The following CDIN1 variants were observed in gnomAD, a reference collection of about 807,000 sequenced individuals.
The protein encoded by CDIN1 is CDAN1 interacting nuclease 1.
Under a neutral mutation model 45.3 loss-of-function variants are expected in CDIN1, and 33 were observed. That is an observed-to-expected ratio of 0.73 (90% confidence interval 0.55 to 0.97). CDIN1 has a LOEUF of 0.97. Among genes scored for constraint, CDIN1 ranks in the 50% least tolerant of loss-of-function variants. CDIN1 has a pLI of 0.00. For missense variants in CDIN1, 303 were observed against 339.4 expected, an observed-to-expected ratio of 0.89 and a Z score of 0.84; for synonymous variants, 118 against 124.4, an observed-to-expected ratio of 0.95 and a Z score of 0.34.
intron 10 of CDIN1, among the ~76,000 whole-genome samples, chr15:36,796,158 T>C (rs2054790258): frequency 6.6e-6 from 1 of 152,176 alleles, no homozygotes; most frequent in Non-Finnish European, 1.5e-5. Context: ...GGTGGGGATT[T>C]AGTGGAGAAG....
chr15:36,701,114 A>ATAGGTAGG (rs56409880), intron 8 of CDIN1, among the ~76,000 whole-genome samples: 58 of 117,984 alleles, frequency 4.9e-4, no homozygotes, highest in African/African-American at 1.9e-3. Flanking sequence ...AGATAGATAG[A>ATAGGTAGG]TAGGTAGGTA....
At chr15:36,603,798 G>C (rs1453448059) in intron 1 of CDIN1, among the ~76,000 whole-genome samples, 1 of 152,158 alleles carries the variant, frequency 6.6e-6, no homozygotes, top group Non-Finnish European at 1.5e-5. Flanking sequence ...TGAAAAAAGA[G>C]TTATTGTCCA....
At chr15:36,754,163 A>G (rs1347096195) in intron 10 of CDIN1, among the ~76,000 whole-genome samples, 2 of 152,160 alleles carry the variant, frequency 1.3e-5, no homozygotes, top group African/African-American at 4.8e-5. Context: ...CTCTAAGTAT[A>G]TTCTGGCAGA....
intron 10 of CDIN1, among the ~76,000 whole-genome samples, chr15:36,765,049 TTTTC>T (rs1044210838): frequency 1.9e-5 from 2 of 102,914 alleles, no homozygotes; most frequent in African/African-American, 3.3e-5. Context: ...TTTCTTTTAT[TTTTC>T]TTTCTTTCTT....
intron 10 of CDIN1, among the ~76,000 whole-genome samples, chr15:36,754,371 G>A (rs899447628): frequency 3.9e-5 from 6 of 152,136 alleles, no homozygotes; most frequent in African/African-American, 1.4e-4. Flanking sequence ...GACCTAAACT[G>A]TAGATGAGAA....
At chr15:36,659,966 C>CTTTTTTTTTTT (rs778988517) in intron 5 of CDIN1, among the ~76,000 whole-genome samples, 42 of 105,134 alleles carry the variant, frequency 4.0e-4, no homozygotes, top group African/African-American at 4.7e-4. Flanking sequence ...CCTTCCTTTT[C>CTTTTTTTTTTT]TTTTTTTTTT....
At chr15:36,772,216 T>C (rs2054099289) in intron 10 of CDIN1, among the ~76,000 whole-genome samples, 1 of 151,872 alleles carries the variant, frequency 6.6e-6, no homozygotes, top group South Asian at 2.1e-4. Flanking sequence ...TTTAGTAAGG[T>C]GGTGTCAAAA....
At chr15:36,806,605 G>C (rs1049167614) in intron 10 of CDIN1, among the ~76,000 whole-genome samples, 3 of 152,272 alleles carry the variant, frequency 2.0e-5, no homozygotes, top group African/African-American at 7.2e-5. Context: ...ACTCAGGGGT[G>C]CTTCACTGAT....
At chr15:36,616,655 C>T (rs1190494171) in intron 1 of CDIN1, among the ~76,000 whole-genome samples, 1 of 152,082 alleles carries the variant, frequency 6.6e-6, no homozygotes, top group Admixed American at 6.5e-5. Context: ...TGGCTCACAC[C>T]TATAATCCTA....
intron 3 of CDIN1, among the ~76,000 whole-genome samples, chr15:36,646,873 G>T (rs1010529537): frequency 1.3e-5 from 2 of 152,076 alleles, no homozygotes; most frequent in African/African-American, 2.4e-5. Flanking sequence ...TTGTAAGGAG[G>T]TTGTTTTAGT....
intron 5 of CDIN1, among the ~76,000 whole-genome samples, chr15:36,677,457 GT>G (rs1174707377): frequency 6.6e-6 from 1 of 152,090 alleles, no homozygotes. Context: ...TAATAAACTT[GT>G]GAGATTTCTT....
chr15:36,787,635 G>A (rs189244205), intron 10 of CDIN1, among the ~76,000 whole-genome samples: 8 of 152,150 alleles, frequency 5.3e-5, no homozygotes, highest in African/African-American at 1.7e-4. Flanking sequence ...CAAATAAGTT[G>A]TTCTTATAGC....
rs560373394 is a variant in CDIN1 at position 36,757,218 on chromosome 15, G to A, written c.716+47257G>A. ...AAATTTGTGCTCTGTTTTACGTCGT[G>A]GGAATAACAGTTAGGGTTATGGAGG... On this transcript the variant is annotated intron_variant, in intron 10 of 10. Transcript: ENST00000566621. 3.3e-5 allele frequency among the ~76,000 whole-genome samples: 5 copies of A among 152,264 alleles called. No homozygotes were observed. In the South Asian group the frequency reaches 1.0e-3, roughly 32 times the overall value.
intron 5 of CDIN1, among the ~76,000 whole-genome samples, chr15:36,660,538 G>A (rs1205803427): frequency 6.6e-6 from 1 of 151,944 alleles, no homozygotes; most frequent in East Asian, 1.9e-4. Context: ...TATACTTTAG[G>A]AATATCCACT....
intron 5 of CDIN1, among the ~76,000 whole-genome samples, chr15:36,664,979 A>G (rs2041193498): frequency 1.3e-5 from 2 of 152,208 alleles, no homozygotes; most frequent in South Asian, 2.1e-4. Context: ...GCATGATGCT[A>G]TGTTTTCAAT....
At chr15:36,650,557 C>T (rs1008906056) in intron 3 of CDIN1, among the ~76,000 whole-genome samples, 1 of 151,784 alleles carries the variant, frequency 6.6e-6, no homozygotes, top group Non-Finnish European at 1.5e-5. Flanking sequence ...ATTTTTGTGC[C>T]TCAGCCTCCT....
chr15:36,809,093 T>A lies in CDIN1; in HGVS notation c.*640T>A. On this transcript the variant is annotated 3_prime_UTR_variant, in exon 11 of 11. Transcript: ENST00000566621. ...CTGACTTCTGTGACAGTAAGCCAAG[T>A]GCAAAAATACACTTGATGAGAATTT... 1 of 357,392 alleles carries A rather than the reference T, an allele frequency of 2.8e-6. No individual in the cohort carries two copies. The highest frequency in any genetic ancestry group is 2.1e-5 in the South Asian group (1 of 47,090). The allele number at this position is 357,392 out of a possible 1,614,324, so 22.1% of individuals were successfully genotyped here.
intron 1 of CDIN1, among the ~76,000 whole-genome samples, chr15:36,588,834 C>T (rs898624322): frequency 2.6e-5 from 4 of 152,102 alleles, no homozygotes. Context: ...CATTGTGTAG[C>T]TGCGAAAGGG....
intron 10 of CDIN1, among the ~76,000 whole-genome samples, chr15:36,806,605 G>A (rs1049167614): frequency 6.6e-6 from 1 of 152,154 alleles, no homozygotes; most frequent in African/African-American, 2.4e-5. Context: ...ACTCAGGGGT[G>A]CTTCACTGAT....
Sources: gnomAD v4.1 joint callset for allele counts (sites outside exome capture counted in the v4.1 genomes callset) on GRCh38, gnomAD v4.1.1 for gene constraint, MANE v1.5 for transcripts, NCBI Gene and HGNC (gene_info 2026-07-23, HGNC 2026-07-21) for gene names.